The following PTPRN2 variants were observed in gnomAD, a reference collection of about 807,000 sequenced individuals.
PTPRN2 encodes receptor-type tyrosine-protein phosphatase N2.
PTPRN2 carries 74 observed loss-of-function variants against 118.8 expected under a neutral mutation model. The observed-to-expected ratio is 0.62, with a 90% CI of 0.52 to 0.76. The LOEUF (loss-of-function observed/expected upper bound fraction) is 0.76. Ranked by LOEUF, PTPRN2 falls within the 30% of genes least tolerant of loss-of-function variation. The pLI, the probability that PTPRN2 is intolerant of heterozygous loss-of-function variation, is 0.00. For synonymous variants in PTPRN2, 641 were observed against 608.0 expected (o/e 1.05, Z -0.80); for missense variants, 1,481 against 1,394.4 (o/e 1.06, Z -0.99).
chr7:157,682,416 C>T (rs1796958192), intron 13 of PTPRN2, among the ~76,000 whole-genome samples: 1 of 152,188 alleles, frequency 6.6e-6, no homozygotes, highest in Non-Finnish European at 1.5e-5. Flanking sequence ...GTAGTAGTGG[C>T]CAAACTAAGA....
intron 11 of PTPRN2, among the ~76,000 whole-genome samples, chr7:158,077,491 G>A (rs191531015): frequency 6.8e-6 from 1 of 146,280 alleles, no homozygotes; most frequent in East Asian, 2.0e-4. Flanking sequence ...GGGGGAAACT[G>A]CTCAGGACAG....
chr7:158,395,745 CGAGGGGTGAGGCGCGAGGGGCGAGGGGT>C (rs1812411412), intron 2 of PTPRN2, among the ~76,000 whole-genome samples: 1 of 23,738 alleles, frequency 4.2e-5, no homozygotes, highest in African/African-American at 2.1e-4. Flanking sequence ...GGGAGAGGGG[CGAGGGGTGAGGCGCGAGGGGCGAGGGGT>C]GAGGCGCGAG....
At position 157,648,884 on chromosome 7, in the gene PTPRN2, C is replaced by A. The variant is rs566618660; in HGVS notation, c.2196+7473G>T. On this transcript the variant is annotated intron_variant, in intron 14 of 22. Transcript: ENST00000389418. ...AACTCGGTGGGTCGGACCCATCCAGCGTGCACTGAACTCGGTGGGTTGGAC... is the reference window on the plus strand; with the variant it reads ...AACTCGGTGGGTCGGACCCATCCAGAGTGCACTGAACTCGGTGGGTTGGAC... 2.5e-5 allele frequency among the ~76,000 whole-genome samples: 3 copies of A among 118,282 alleles called. 1 individual carries two copies. The highest frequency in any genetic ancestry group is 6.9e-4 in the East Asian group (2 of 2,886). 77.6% of individuals were successfully genotyped at this position (118,282 alleles called of 152,430 possible).
Position 157,996,276 on chromosome 7 carries a change from G to A in PTPRN2, c.1723+85022C>T, listed in dbSNP as rs116187857. On this transcript the variant is annotated intron_variant, in intron 11 of 22. Coordinates refer to ENST00000389418, the MANE Select transcript of PTPRN2 (RefSeq NM_002847.5). The stretch of plus-strand genomic sequence containing the variant: ...ATGGGACAATGGACGCTGCAGACCC[G>A]GGACGCTGGGAAGGGAGAGGAGGGT... 4.0e-3 allele frequency among the ~76,000 whole-genome samples: 613 copies of A among 152,318 alleles called. 1 individual carries two copies. The highest frequency in any genetic ancestry group is 0.014 in the African/African-American group (564 of 41,572).
intron 1 of PTPRN2, among the ~76,000 whole-genome samples, chr7:158,572,279 T>C (rs1346964045): frequency 6.6e-6 from 1 of 152,214 alleles, no homozygotes; most frequent in Non-Finnish European, 1.5e-5. Context: ...AGGATAAACA[T>C]ATGAATTCCC....
intron 10 of PTPRN2, among the ~76,000 whole-genome samples, chr7:158,086,305 A>G (rs571662071): frequency 6.6e-6 from 1 of 152,162 alleles, no homozygotes; most frequent in African/African-American, 2.4e-5. Flanking sequence ...TGAGATAACC[A>G]TCAGAACAGA....
chr7:158,274,131 C>G (rs1381389841), intron 3 of PTPRN2, among the ~76,000 whole-genome samples: 1 of 111,276 alleles, frequency 9.0e-6, no homozygotes, highest in Non-Finnish European at 1.8e-5. Flanking sequence ...CACGGGGAGC[C>G]GCAGACACAG....
intron 1 of PTPRN2, among the ~76,000 whole-genome samples, chr7:158,585,112 G>A (rs190427582): frequency 1.1e-4 from 17 of 152,342 alleles, no homozygotes; most frequent in East Asian, 7.7e-4. Flanking sequence ...TGTAGTTGGC[G>A]TGACCATTGC....
intron 6 of PTPRN2, among the ~76,000 whole-genome samples, chr7:158,164,500 G>A (rs982902550): frequency 4.0e-5 from 6 of 149,602 alleles, no homozygotes; most frequent in East Asian, 2.0e-4. Context: ...GAGCGGGAGC[G>A]CGCGCGTAGG....
intron 3 of PTPRN2, among the ~76,000 whole-genome samples, chr7:158,260,110 G>A (rs1797300308): frequency 6.6e-6 from 1 of 152,226 alleles, no homozygotes; most frequent in South Asian, 2.1e-4. Flanking sequence ...TTCTGCACAT[G>A]AGAACCAGAA....
intron 22 of PTPRN2, among the ~76,000 whole-genome samples, chr7:157,541,609 CT>C (rs1798018821): frequency 6.6e-6 from 1 of 152,230 alleles, no homozygotes; most frequent in African/African-American, 2.4e-5. Context: ...CTATGGAAAA[CT>C]CCAAAGCAGG....
chr7:158,083,663 G>A (rs1455248589), intron 10 of PTPRN2, among the ~76,000 whole-genome samples: 3 of 152,188 alleles, frequency 2.0e-5, no homozygotes, highest in Non-Finnish European at 4.4e-5. Flanking sequence ...CACGCATGCC[G>A]AGCGTCACCA....
chr7:158,489,132 G>A (rs1821245925), intron 2 of PTPRN2, among the ~76,000 whole-genome samples: 1 of 152,238 alleles, frequency 6.6e-6, no homozygotes, highest in African/African-American at 2.4e-5. Context: ...TGATAAGAGA[G>A]GAAAATCAGT....
chr7:158,116,907 G>A (rs1215801160), intron 9 of PTPRN2, among the ~76,000 whole-genome samples: 1 of 152,122 alleles, frequency 6.6e-6, no homozygotes, highest in East Asian at 1.9e-4. Flanking sequence ...CACAAAGACA[G>A]CCTACAAAAA....
intron 2 of PTPRN2, among the ~76,000 whole-genome samples, chr7:158,373,396 G>A (rs1021635641): frequency 2.0e-5 from 3 of 152,238 alleles, no homozygotes; most frequent in African/African-American, 7.2e-5. Flanking sequence ...AGCGTTAGCT[G>A]CATGTTCTTA....
intron 1 of PTPRN2, among the ~76,000 whole-genome samples, chr7:158,562,117 G>A (rs892747939): frequency 3.9e-5 from 6 of 152,194 alleles, no homozygotes; most frequent in African/African-American, 1.4e-4. Flanking sequence ...GCCACAGGTC[G>A]GGTGGCCTGG....
chr7:157,751,108 G>T (rs928858312), intron 12 of PTPRN2, among the ~76,000 whole-genome samples: 2 of 152,232 alleles, frequency 1.3e-5, no homozygotes, highest in African/African-American at 4.8e-5. Flanking sequence ...GGCCGAGGAG[G>T]CTCCCGACGC....
intron 6 of PTPRN2, among the ~76,000 whole-genome samples, chr7:158,145,479 A>G (rs998105800): frequency 6.6e-6 from 1 of 152,200 alleles, no homozygotes; most frequent in Admixed American, 6.5e-5. Context: ...GGGAATGTAG[A>G]GTTTGGGGAA....
chr7:157,964,645 T>C lies in PTPRN2; in HGVS notation c.1724-65908A>G, dbSNP rs1489747516. 6.6e-6 allele frequency among the ~76,000 whole-genome samples: 1 copy of C among 152,224 alleles called. No individual in the cohort carries two copies. The highest frequency in any genetic ancestry group is 1.5e-5 in the Non-Finnish European group (1 of 68,040). The stretch of plus-strand genomic sequence containing the variant: ...ACGCCATTAACACCCTGTGATGGCC[T>C]TACTTGGCGTGTGGAGCTGTGACCA... On this transcript the variant is annotated intron_variant, in intron 11 of 22. Coordinates refer to ENST00000389418, the MANE Select transcript of PTPRN2 (RefSeq NM_002847.5). The surrounding 1 kb of genome is among the most constrained non-coding windows in gnomAD (Gnocchi z 9.0).
Sources: gnomAD v4.1 joint callset for allele counts (sites outside exome capture counted in the v4.1 genomes callset) on GRCh38, gnomAD v4.1.1 for gene constraint, Gnocchi (gnomAD v3.1) non-coding constraint, MANE v1.5 for transcripts, NCBI Gene and HGNC (gene_info 2026-07-23, HGNC 2026-07-21) for gene names.